RGPD3: variants seen among roughly 807,000 people sequenced by gnomAD.
RGPD3 encodes RANBP2 like and GRIP domain containing 3, also known as ranBP2-like and GRIP domain-containing protein 3.
A neutral mutation model predicts 154.5 loss-of-function variants in RGPD3; 62 were observed. The observed-to-expected ratio is 0.40, with a 90% CI of 0.33 to 0.50. The LOEUF (loss-of-function observed/expected upper bound fraction) is 0.50. Ranked by LOEUF, RGPD3 falls within the 20% of genes least tolerant of loss-of-function variation. RGPD3 has a pLI of 0.59. For missense variants in RGPD3, 919 were observed against 1,716.8 expected (o/e 0.54, Z 8.21); for synonymous variants, 308 against 607.0 (o/e 0.51, Z 7.24).
At position 106,404,738 on chromosome 2, in the gene RGPD3, G is replaced by A. The variant is rs1460290801; in HGVS notation, c.*481C>T. On this transcript the variant is annotated 3_prime_UTR_variant, in exon 23 of 23. Coordinates refer to ENST00000409886, the MANE Select transcript of RGPD3 (RefSeq NM_001144013.2). ...GATTCTCCAGCCTCAGCCTCCCCAA[G>A]TAGTGGGATTTCAGGCATGAATCAC... Among the ~76,000 whole-genome samples the A allele has an allele frequency of 3.2e-5, 3 of 93,606 alleles. 1 individual carries two copies. The highest frequency in any genetic ancestry group is 6.7e-5 in the Non-Finnish European group (3 of 44,880). The allele number at this position is 93,606 out of a possible 152,430, so 61.4% of individuals were successfully genotyped here.
At chr2:106,447,779 G>A (rs1014169610) in intron 6 of RGPD3, among the ~76,000 whole-genome samples, 166 bp from the exon 7 acceptor site, 3 of 141,202 alleles carry the variant, frequency 2.1e-5, no homozygotes, top group African/African-American at 7.9e-5. Flanking sequence ...ATCATCTAAT[G>A]CTTATTTTTA....
intron 1 of RGPD3, among the ~76,000 whole-genome samples, chr2:106,466,288 C>G (rs987716643): frequency 1.1e-4 from 17 of 151,986 alleles, no homozygotes; most frequent in African/African-American, 3.9e-4. Context: ...CTGCGCCAGC[C>G]GGCGGGCGCC....
intron 1 of RGPD3, among the ~76,000 whole-genome samples, chr2:106,466,111 G>A (rs1410802609): frequency 2.0e-5 from 3 of 151,644 alleles, no homozygotes; most frequent in Admixed American, 6.6e-5. Context: ...CGGGTACTAC[G>A]GGGCCAGAAA....
At chr2:106,409,852 T>G (rs1326243943) in intron 22 of RGPD3, among the ~76,000 whole-genome samples, 1 of 149,102 alleles carries the variant, frequency 6.7e-6, no homozygotes, top group Admixed American at 6.7e-5. Context: ...TAATTTCTTT[T>G]GAACTATCTT....
intron 9 of RGPD3, among the ~76,000 whole-genome samples, chr2:106,437,740 G>C (rs1677608790): frequency 6.6e-6 from 1 of 151,722 alleles, no homozygotes; most frequent in South Asian, 2.1e-4. Context: ...GAGAAAACTT[G>C]GATGCCCAAT....
rs1395274134 is a variant in RGPD3 at position 106,468,366 on chromosome 2, C to A, written c.-78G>T. On this transcript the variant is annotated 5_prime_UTR_variant, in exon 1 of 23. Coordinates refer to ENST00000409886, the MANE Select transcript of RGPD3 (RefSeq NM_001144013.2). Reference sequence around the variant, plus strand: ...GCAGTCGCCAATTCCAAGAGGAAAGCGCCTGAAAGCCACTGAGGCAGCGGC... The same window carrying A: ...GCAGTCGCCAATTCCAAGAGGAAAGAGCCTGAAAGCCACTGAGGCAGCGGC... The A allele has an allele frequency of 6.5e-7, 1 of 1,547,952 alleles. No homozygotes were observed. Among genetic ancestry groups the A allele is most frequent in the Non-Finnish European group, 8.7e-7 (1 of 1,145,986 alleles).
chr2:106,465,582 T>TA lies in RGPD3; in HGVS notation c.72+2634dup, dbSNP rs1217711185. ...TTGCTTTTTTTTTTTTAAGCTTGTTTAAAAAAAAAAAAATCAGGCTGAGCA... is the reference window on the plus strand; with the variant it reads ...TTGCTTTTTTTTTTTTAAGCTTGTTTAAAAAAAAAAAAAATCAGGCTGAGCA... On this transcript the variant is annotated intron_variant, in intron 1 of 22. Transcript: ENST00000409886. 4.1e-3 allele frequency among the ~76,000 whole-genome samples: 579 copies of TA among 142,730 alleles called. 1 individual carries two copies. Among genetic ancestry groups the TA allele is most frequent in the Non-Finnish European group, 5.7e-3 (373 of 65,156 alleles). The allele number at this position is 142,730 out of a possible 152,430, so 93.6% of individuals were successfully genotyped here. A position where few individuals can be genotyped will look rare whatever the true frequency, so the allele number is the denominator to read the frequency against.
At chr2:106,434,187 G>T (rs1677464723) in intron 15 of RGPD3, 41 bp downstream of exon 15, 3 of 1,591,972 alleles carry the variant, frequency 1.9e-6, no homozygotes, top group Non-Finnish European at 2.6e-6. Flanking sequence ...CTGACCAGTG[G>T]GTTATCAGTA....
chr2:106,446,717 T>C (rs1213545089), intron 7 of RGPD3, among the ~76,000 whole-genome samples: 5 of 146,406 alleles, frequency 3.4e-5, no homozygotes, highest in African/African-American at 1.3e-4. Context: ...CCCATCTCTA[T>C]TAAAAATACA....
chr2:106,420,880 A>ATCCC (rs1676963709), intron 20 of RGPD3, among the ~76,000 whole-genome samples: 2 of 152,232 alleles, frequency 1.3e-5, no homozygotes, highest in South Asian at 4.1e-4. Context: ...GGCTCAAGTG[A>ATCCC]TCCCTCTGCC....
intron 22 of RGPD3, among the ~76,000 whole-genome samples, chr2:106,410,509 A>G (rs987567982): frequency 1.3e-5 from 2 of 152,216 alleles, no homozygotes; most frequent in Non-Finnish European, 2.9e-5. Context: ...CGTTAGCAAC[A>G]TCTACATTAA....
At chr2:106,463,429 C>T (rs1327117191) in intron 1 of RGPD3, among the ~76,000 whole-genome samples, 5 of 151,460 alleles carry the variant, frequency 3.3e-5, no homozygotes, top group African/African-American at 1.2e-4. Flanking sequence ...GAGCTGAGAC[C>T]ATGCCACTGC....
chr2:106,467,108 G>A (rs1678638238), intron 1 of RGPD3, among the ~76,000 whole-genome samples: 2 of 101,324 alleles, frequency 2.0e-5, no homozygotes, highest in Non-Finnish European at 4.2e-5. Flanking sequence ...GCCAGGTCGA[G>A]GCCGGCGCCT....
chr2:106,434,366 G>A lies in RGPD3; in HGVS notation c.2067C>T (p.His689=), dbSNP rs747289777. 1.2e-5 allele frequency: 19 copies of A among 1,611,360 alleles called. 1 individual carries two copies. The South Asian group carries it at 1.5e-4, about 13-fold the overall frequency. Residue 689 remains histidine (H), a synonymous_variant, in exon 15 of 23, where the codon CAC becomes CAT. Transcript: ENST00000409886. The part of the protein sequence containing the change: ...VSYWNLALIF[H]RKAEDIANDA... ...CATTTGCAATGTCTTCTGCCTTCCT[G>A]TGAAAAATCTATACAAATAGTGCTT...
intron 1 of RGPD3, among the ~76,000 whole-genome samples, chr2:106,460,291 G>A (rs1678370892): frequency 6.6e-6 from 1 of 150,430 alleles, no homozygotes; most frequent in Non-Finnish European, 1.5e-5. Context: ...AGCTTTCTTT[G>A]GGGAGGAAAG....
In RGPD3 at chr2:106,442,497, G is replaced by GGA. The variant is rs564472039; in HGVS notation, c.979-1118_979-1117insTC. 7.8e-3 allele frequency among the ~76,000 whole-genome samples: 778 copies of GGA among 99,158 alleles called. 20 individuals are homozygous for GGA. The highest frequency in any genetic ancestry group is 0.029 in the Admixed American group (290 of 10,042). The allele number at this position is 99,158 out of a possible 152,430, so 65.1% of individuals were successfully genotyped here. A position where few individuals can be genotyped will look rare whatever the true frequency, so the allele number is the denominator to read the frequency against. On this transcript the variant is annotated intron_variant, in intron 7 of 22. Coordinates refer to ENST00000409886, the MANE Select transcript of RGPD3 (RefSeq NM_001144013.2). ...AAGAGATCCTAATGCAATAACCTAT[G>GGA]AAAAAAAAAAAAAAAGCATGATGAA...
intron 6 of RGPD3, among the ~76,000 whole-genome samples, chr2:106,450,710 A>AG (rs1194655184): frequency 6.6e-5 from 3 of 45,448 alleles, no homozygotes; most frequent in Non-Finnish European, 1.3e-4. Context: ...TGTCTCAAAA[A>AG]AAAAAAAAAA....
chr2:106,412,551 G>A (rs935624806), intron 22 of RGPD3, among the ~76,000 whole-genome samples: 2 of 151,260 alleles, frequency 1.3e-5, no homozygotes, highest in African/African-American at 4.9e-5. Flanking sequence ...CTTGTGATCC[G>A]CCTGCCTCGG....
At chr2:106,420,371 A>G (rs1479142334) in intron 20 of RGPD3, among the ~76,000 whole-genome samples, 1 of 152,038 alleles carries the variant, frequency 6.6e-6, no homozygotes, top group African/African-American at 2.4e-5. Flanking sequence ...TTCTATATGC[A>G]ACCTGTTCTG....
Sources: allele counts gnomAD v4.1 joint callset (sites outside exome capture counted in the v4.1 genomes callset), GRCh38; gene constraint gnomAD v4.1.1; transcripts MANE v1.5; gene names NCBI Gene and HGNC (gene_info 2026-07-23, HGNC 2026-07-21).